RSU1: variants seen among roughly 807,000 people sequenced by gnomAD.
RSU1 encodes Ras suppressor protein 1, also known as rsu-1.
In RSU1, 26 loss-of-function variants were observed where a neutral mutation model predicts 31.1. The observed-to-expected ratio is 0.84, with a 90% CI of 0.61 to 1.16. The LOEUF (loss-of-function observed/expected upper bound fraction) is 1.16. RSU1 is among the 50% of genes most tolerant of loss of function. The probability of loss-of-function intolerance (pLI) is 0.00; values close to 1 mark genes in which losing one functional copy is unlikely to be tolerated. For synonymous variants in RSU1, 164 were observed against 136.3 expected (o/e 1.20, Z -1.41); for missense variants, 320 against 339.1 (o/e 0.94, Z 0.44).
intron 8 of RSU1, among the ~76,000 whole-genome samples, chr10:16,661,165 T>C (rs909084062): frequency 2.0e-5 from 3 of 152,262 alleles, no homozygotes; most frequent in South Asian, 2.1e-4. Context: ...TTATAAGGCA[T>C]GGGGGATGTA....
intron 3 of RSU1, among the ~76,000 whole-genome samples, chr10:16,768,761 C>T (rs1564350764): frequency 6.6e-6 from 1 of 152,302 alleles, no homozygotes; most frequent in East Asian, 1.9e-4. Flanking sequence ...GTCCATCTGA[C>T]GTGCCAGCCC....
chr10:16,801,121 A>G (rs555299081), intron 2 of RSU1, among the ~76,000 whole-genome samples: 1 of 151,914 alleles, frequency 6.6e-6, no homozygotes, highest in South Asian at 2.1e-4. Context: ...GGATCTAACT[A>G]TATGTTATCT....
At chr10:16,763,270 A>C (rs1301186185) in intron 4 of RSU1, among the ~76,000 whole-genome samples, 6 of 152,132 alleles carry the variant, frequency 3.9e-5, no homozygotes, top group Admixed American at 2.0e-4. Context: ...TGGGTAACTT[A>C]CAAGAAAAGA....
intron 8 of RSU1, among the ~76,000 whole-genome samples, chr10:16,639,712 T>C (rs73601055): frequency 0.029 from 4,356 of 152,306 alleles, 222 homozygotes; most frequent in African/African-American, 0.099. Context: ...GGGAAACACT[T>C]TGTCAAACAA....
At chr10:16,759,841 C>T (rs1168784373) in intron 4 of RSU1, among the ~76,000 whole-genome samples, 1 of 152,190 alleles carries the variant, frequency 6.6e-6, no homozygotes, top group Non-Finnish European at 1.5e-5. Flanking sequence ...TCAGAATAAA[C>T]TGTAAATACT....
chr10:16,608,040 A>G (rs1337617682), intron 8 of RSU1, among the ~76,000 whole-genome samples: 3 of 151,786 alleles, frequency 2.0e-5, no homozygotes, highest in Non-Finnish European at 4.4e-5. Context: ...CTTGTTTCCC[A>G]CGCTAGTCTT....
chr10:16,799,218 T>A (rs1838099093), intron 2 of RSU1, among the ~76,000 whole-genome samples: 1 of 152,158 alleles, frequency 6.6e-6, no homozygotes, highest in Non-Finnish European at 1.5e-5. Context: ...AGATTAGAGA[T>A]GTATCGGGTT....
intron 3 of RSU1, among the ~76,000 whole-genome samples, chr10:16,774,739 C>T (rs1173695309): frequency 6.6e-6 from 1 of 152,222 alleles, no homozygotes; most frequent in Non-Finnish European, 1.5e-5. Flanking sequence ...ACAACCATCA[C>T]GTGCACTTCT....
chr10:16,762,002 A>G (rs1837219322), intron 4 of RSU1, among the ~76,000 whole-genome samples: 1 of 152,078 alleles, frequency 6.6e-6, no homozygotes, highest in Non-Finnish European at 1.5e-5. Context: ...TCTGTGGACT[A>G]AAGTGCTCCC....
At chr10:16,700,832 A>G (rs770358887) in intron 7 of RSU1, among the ~76,000 whole-genome samples, 40 of 152,354 alleles carry the variant, frequency 2.6e-4, no homozygotes, top group Non-Finnish European at 5.3e-4. Context: ...GTGAAATGCT[A>G]TTCAGTTATT....
intron 8 of RSU1, among the ~76,000 whole-genome samples, chr10:16,604,730 G>A (rs1833772250): frequency 1.3e-5 from 2 of 152,114 alleles, no homozygotes; most frequent in South Asian, 2.1e-4. Flanking sequence ...TTCAGACTCC[G>A]GGGTCTGGCT....
At chr10:16,640,857 C>T (rs1428851747) in intron 8 of RSU1, among the ~76,000 whole-genome samples, 1 of 152,208 alleles carries the variant, frequency 6.6e-6, no homozygotes, top group Admixed American at 6.5e-5. Flanking sequence ...CTTCAGGCAC[C>T]ACTGAATCCC....
intron 8 of RSU1, among the ~76,000 whole-genome samples, chr10:16,674,476 A>G (rs1835184979): frequency 2.0e-5 from 3 of 151,456 alleles, no homozygotes; most frequent in African/African-American, 7.3e-5. Flanking sequence ...AAACAACAAC[A>G]GCTCTCATCG....
chr10:16,790,694 C>A (rs1255052558), intron 2 of RSU1, among the ~76,000 whole-genome samples: 1 of 152,034 alleles, frequency 6.6e-6, no homozygotes, highest in African/African-American at 2.4e-5. Flanking sequence ...GAGGGAGGGA[C>A]CTGGTGGGAA....
chr10:16,637,681 A>G (rs1017192929), intron 8 of RSU1, among the ~76,000 whole-genome samples: 4 of 152,174 alleles, frequency 2.6e-5, no homozygotes, highest in Non-Finnish European at 4.4e-5. Context: ...GGGCCCCATT[A>G]TGAAGAGAAG....
chr10:16,690,242 T>C (rs1588716851), intron 8 of RSU1, among the ~76,000 whole-genome samples: 1 of 152,144 alleles, frequency 6.6e-6, no homozygotes, highest in East Asian at 1.9e-4. Context: ...CACCATCAAA[T>C]AAAGAGTTAA....
intron 7 of RSU1, among the ~76,000 whole-genome samples, chr10:16,698,263 C>T (rs549240774): frequency 3.3e-5 from 5 of 151,906 alleles, no homozygotes; most frequent in East Asian, 3.9e-4. Context: ...TCCCTTCCGC[C>T]GAGTCCCAAG....
At chr10:16,604,855 G>A (rs753039283) in intron 8 of RSU1, among the ~76,000 whole-genome samples, 20 of 152,146 alleles carry the variant, frequency 1.3e-4, no homozygotes, top group Non-Finnish European at 2.5e-4. Flanking sequence ...AAGAGCCAGC[G>A]AGAAAAACAG....
Position 16,704,569 on chromosome 10 carries a change from T to C in RSU1, c.599-9414A>G, listed in dbSNP as rs139503105. 1.7e-4 allele frequency among the ~76,000 whole-genome samples: 26 copies of C among 152,344 alleles called. No individual in the cohort carries two copies. In the East Asian group the frequency reaches 5.0e-3, roughly 29 times the overall value. Reference sequence around the variant, plus strand: ...TGTTGGTATAATCAATAATGTGAGATGATTTAGGAGCACTGGGGAGTTATA... The same window carrying C: ...TGTTGGTATAATCAATAATGTGAGACGATTTAGGAGCACTGGGGAGTTATA... On this transcript the variant is annotated intron_variant, in intron 7 of 8. Coordinates refer to ENST00000345264, the MANE Select transcript of RSU1 (RefSeq NM_012425.4).
Sources: allele counts gnomAD v4.1 joint callset (sites outside exome capture counted in the v4.1 genomes callset), GRCh38; gene constraint gnomAD v4.1.1; transcripts MANE v1.5; gene names NCBI Gene and HGNC (gene_info 2026-07-23, HGNC 2026-07-21).